The following MAOB variants were observed in gnomAD, a reference collection of about 807,000 sequenced individuals.
MAOB encodes amine oxidase [flavin-containing] B.
Under a neutral mutation model 41.9 loss-of-function variants are expected in MAOB, and 15 were observed. The observed-to-expected ratio is 0.36, with a 90% confidence interval of 0.24 to 0.55. The LOEUF (loss-of-function observed/expected upper bound fraction) is 0.55. Among genes scored for constraint, MAOB ranks in the 20% least tolerant of loss-of-function variants. The pLI, the probability that MAOB is intolerant of heterozygous loss-of-function variation, is 0.86. For missense variants in MAOB, 345 were observed against 398.7 expected (o/e 0.87, Z 1.15); for synonymous variants, 167 against 144.2 (o/e 1.16, Z -1.13).
chrX:43,775,691 G>GT (rs2034246604), intron 11 of MAOB, among the ~76,000 whole-genome samples: 1 of 112,021 alleles, frequency 8.9e-6, no homozygotes, highest in East Asian at 2.8e-4. Context: ...TCAGGTTCAT[G>GT]TTTTGGTGGA....
intron 1 of MAOB, among the ~76,000 whole-genome samples, chrX:43,864,434 T>A (rs1305851266): frequency 1.8e-5 from 2 of 111,829 alleles, no homozygotes; most frequent in African/African-American, 6.5e-5. Flanking sequence ...CATTTATGAA[T>A]GTGTCTTAAT....
chrX:43,867,453 A>C (rs1294448983), intron 1 of MAOB, among the ~76,000 whole-genome samples: 2 of 112,658 alleles, frequency 1.8e-5, no homozygotes, highest in Non-Finnish European at 3.7e-5. Flanking sequence ...GTTAAATAAC[A>C]GTTTATAGGC....
chrX:43,772,758 G>A (rs1446118675), intron 12 of MAOB, among the ~76,000 whole-genome samples: 1 of 111,377 alleles, frequency 9.0e-6, no homozygotes, highest in Admixed American at 9.6e-5. Context: ...GGATCATGGG[G>A]ACGGATCCCT....
chrX:43,830,338 A>T (rs998525865), intron 3 of MAOB, among the ~76,000 whole-genome samples: 2 of 111,623 alleles, frequency 1.8e-5, no homozygotes, highest in African/African-American at 6.5e-5. Flanking sequence ...GAGTGCCAGC[A>T]TGGCCAGTTA....
rs1293783905 is a variant in MAOB at position 43,767,210 on chromosome X, A to T, written c.*256T>A. The T allele has an allele frequency of 3.1e-6, 1 of 320,195 alleles. No homozygotes were observed. Among genetic ancestry groups the T allele is most frequent in the African/African-American group, 2.7e-5 (1 of 37,617 alleles). The allele number at this position is 320,195 out of a possible 1,213,427, so 26.4% of individuals were successfully genotyped here. A position where few individuals can be genotyped will look rare whatever the true frequency, so the allele number is the denominator to read the frequency against. ...GCAAGAACCTTAAACAAGCCAATTT[A>T]ACTATTCTAAAGATTTTGAGGGCAA... On this transcript the variant is annotated 3_prime_UTR_variant, in exon 15 of 15. Transcript: ENST00000378069.
At chrX:43,816,067 G>T (rs1477921562) in intron 3 of MAOB, among the ~76,000 whole-genome samples, 1 of 111,958 alleles carries the variant, frequency 8.9e-6, no homozygotes, top group Non-Finnish European at 1.9e-5. Flanking sequence ...CTAATAGCAT[G>T]ATTGAATTTC....
intron 1 of MAOB, among the ~76,000 whole-genome samples, chrX:43,851,111 T>C (rs935001544): frequency 2.7e-5 from 3 of 111,787 alleles, no homozygotes; most frequent in African/African-American, 9.8e-5. Context: ...CTCAACATAG[T>C]CTCCCATGAA....
Position 43,876,680 on chromosome X carries a change from T to C in MAOB, c.46+5574A>G, listed in dbSNP as rs150138631. Among the ~76,000 whole-genome samples, 1,518 of 112,557 alleles carry C rather than the reference T, an allele frequency of 0.013. 40 individuals carry two copies. In the South Asian group the frequency reaches 0.17, roughly 12 times the overall value. On this transcript the variant is annotated intron_variant, in intron 1 of 14. Transcript: ENST00000378069. Reference sequence around the variant, plus strand: ...GCATTTATAGTTTCTGACATATTTATCTCTTAAAATACATATTAAAATAAT... The same window carrying C: ...GCATTTATAGTTTCTGACATATTTACCTCTTAAAATACATATTAAAATAAT...
intron 1 of MAOB, among the ~76,000 whole-genome samples, chrX:43,854,330 G>A (rs1410689507): frequency 8.9e-6 from 1 of 112,513 alleles, no homozygotes; most frequent in Admixed American, 9.4e-5. Flanking sequence ...ATACTGTGCA[G>A]CCATAAAAAC....
At chrX:43,785,578 G>T (rs1055952234) in intron 8 of MAOB, among the ~76,000 whole-genome samples, 2 of 112,799 alleles carry the variant, frequency 1.8e-5, no homozygotes, top group African/African-American at 3.2e-5. Flanking sequence ...AAGAGGCCTA[G>T]CTTTCAGCCT....
intron 1 of MAOB, among the ~76,000 whole-genome samples, chrX:43,857,153 AGAGAGAGAGAGAAGAAGAGAG>A (rs2035301914): frequency 4.9e-5 from 3 of 60,860 alleles, no homozygotes; most frequent in African/African-American, 2.2e-4. Context: ...AGAGAGAGAG[AGAGAGAGAGAGAAGAAGAGAG>A]AGAGAGAGAG....
chrX:43,769,755 G>A (rs1189168061), intron 12 of MAOB, among the ~76,000 whole-genome samples: 1 of 111,524 alleles, frequency 9.0e-6, no homozygotes, highest in African/African-American at 3.3e-5. Flanking sequence ...TGGCTCTGTG[G>A]CAAGGTGATA....
At chrX:43,809,128 C>T (rs1487063426) in intron 3 of MAOB, among the ~76,000 whole-genome samples, 2 of 111,471 alleles carry the variant, frequency 1.8e-5, no homozygotes, top group Non-Finnish European at 3.8e-5. Flanking sequence ...TGGGAAGGGG[C>T]CCCTTCCAAG....
At chrX:43,848,727 T>C (rs2035229296) in intron 1 of MAOB, among the ~76,000 whole-genome samples, 1 of 111,767 alleles carries the variant, frequency 8.9e-6, no homozygotes, top group Admixed American at 9.5e-5. Flanking sequence ...CTAAGTTTTG[T>C]ACTTTTTGTA....
At chrX:43,828,273 T>C (rs769425420) in intron 3 of MAOB, among the ~76,000 whole-genome samples, 2 of 112,435 alleles carry the variant, frequency 1.8e-5, no homozygotes, top group Non-Finnish European at 3.8e-5. Flanking sequence ...AATGGAAACA[T>C]GAAATAAACC....
intron 5 of MAOB, among the ~76,000 whole-genome samples, chrX:43,800,954 G>A (rs1473682696): frequency 9.1e-6 from 1 of 110,142 alleles, no homozygotes; most frequent in Non-Finnish European, 1.9e-5. Flanking sequence ...TCTACAACAC[G>A]ATTTTTTAAA....
At chrX:43,834,324 C>T (rs760692591) in intron 3 of MAOB, among the ~76,000 whole-genome samples, 5 of 111,376 alleles carry the variant, frequency 4.5e-5, no homozygotes, top group Non-Finnish European at 7.5e-5. Context: ...TTAATAGGAT[C>T]GGGGACAGGG....
At chrX:43,805,408 T>A (rs764657108) in intron 3 of MAOB, among the ~76,000 whole-genome samples, 1 of 111,719 alleles carries the variant, frequency 9.0e-6, no homozygotes, top group South Asian at 3.8e-4. Context: ...ATATAAAACA[T>A]TCCCATCATT....
intron 3 of MAOB, among the ~76,000 whole-genome samples, chrX:43,828,756 C>A (rs1168525386): frequency 9.0e-6 from 1 of 111,369 alleles, no homozygotes; most frequent in Non-Finnish European, 1.9e-5. Flanking sequence ...GGGTTAAAGC[C>A]CCCACTCCAT....
Sources: gnomAD v4.1 joint callset for allele counts (sites outside exome capture counted in the v4.1 genomes callset) on GRCh38, gnomAD v4.1.1 for gene constraint, MANE v1.5 for transcripts, NCBI Gene and HGNC (gene_info 2026-07-23, HGNC 2026-07-21) for gene names.